Variants in JADE3 observed in about 807,000 individuals in gnomAD.
JADE3 encodes the protein protein Jade-3.
Under a neutral mutation model 50.1 loss-of-function variants are expected in JADE3, and 2 were observed. The observed-to-expected ratio is 0.04, with a 90% confidence interval of 0.02 to 0.13. The LOEUF (loss-of-function observed/expected upper bound fraction) is 0.13, where lower values mean the gene tolerates loss of function less well. Among genes scored for constraint, JADE3 ranks in the 10% least tolerant of loss-of-function variants. The pLI is 1.00. For missense variants in JADE3, 475 were observed against 634.4 expected (o/e 0.75, Z 2.70); for synonymous variants, 218 against 232.9 (o/e 0.94, Z 0.58).
chrX:46,999,252 T>G (rs1419177548), intron 4 of JADE3, among the ~76,000 whole-genome samples: 1 of 108,718 alleles, frequency 9.2e-6, no homozygotes, highest in African/African-American at 3.3e-5. Context: ...TATAACAGCA[T>G]TAGTCAATTC....
chrX:46,949,291 G>T (rs1176546706), intron 1 of JADE3, among the ~76,000 whole-genome samples: 1 of 111,537 alleles, frequency 9.0e-6, no homozygotes, highest in Non-Finnish European at 1.9e-5. Flanking sequence ...GCTTGGGGCT[G>T]TTACATATAG....
At chrX:47,005,407 AT>A (rs782820616) in intron 4 of JADE3, among the ~76,000 whole-genome samples, 1 of 110,602 alleles carries the variant, frequency 9.0e-6, no homozygotes, top group East Asian at 2.9e-4. Flanking sequence ...CACCCAGCTA[AT>A]TTTTGTATTT....
chrX:46,917,843 C>CTCTT (rs1290353394), intron 1 of JADE3, among the ~76,000 whole-genome samples: 1 of 91,070 alleles, frequency 1.1e-5, no homozygotes, highest in Non-Finnish European at 2.2e-5. Context: ...TCCTCTCTCT[C>CTCTT]TCTCTCTCTC....
intron 9 of JADE3, among the ~76,000 whole-genome samples, 194 bp from the exon 10 acceptor site, chrX:47,055,888 A>G (rs1380941915): frequency 8.9e-6 from 1 of 112,007 alleles, no homozygotes; most frequent in East Asian, 2.8e-4. Flanking sequence ...TGCTTTTACT[A>G]TTGGTTGATA....
chrX:46,952,777 C>G (rs1236994673), intron 1 of JADE3, among the ~76,000 whole-genome samples: 3 of 111,780 alleles, frequency 2.7e-5, no homozygotes, highest in Admixed American at 9.4e-5. Context: ...GCGTATGGAT[C>G]ACGTGAGGTC....
Position 46,998,140 on chromosome X carries a change from C to T in JADE3, c.147C>T (p.Ile49=). 8.3e-7 allele frequency: 1 copy of T among 1,206,264 alleles called. No homozygotes were observed. Among genetic ancestry groups the T allele is most frequent in the South Asian group, 1.8e-5 (1 of 56,699 alleles). ...TCCAGGTATTCCGGAAGGACCTCAT[C>T]AGTGCCATGAAACTTCCAGATTCTC... The part of the protein sequence containing the change: ...KPAEVFRKDL[I]SAMKLPDSHH... Residue 49 remains isoleucine (I), a synonymous_variant, in exon 4 of 11, where the codon ATC becomes ATT. Coordinates refer to ENST00000614628, the MANE Select transcript of JADE3 (RefSeq NM_014735.5).
At chrX:47,044,360 A>G (rs1556370304) in intron 8 of JADE3, among the ~76,000 whole-genome samples, 1 of 111,871 alleles carries the variant, frequency 8.9e-6, no homozygotes, top group Non-Finnish European at 1.9e-5. Flanking sequence ...CTTACAGGCC[A>G]GGAGAGAGTG....
intron 4 of JADE3, among the ~76,000 whole-genome samples, chrX:47,010,858 A>T (rs1210764643): frequency 9.0e-6 from 1 of 111,389 alleles, no homozygotes; most frequent in East Asian, 2.8e-4. Context: ...ATTTTTTCAT[A>T]GTTCTAGAGT....
At chrX:46,994,169 TAATGAGA>T (rs1928072825) in intron 3 of JADE3, among the ~76,000 whole-genome samples, 1 of 112,472 alleles carries the variant, frequency 8.9e-6, no homozygotes, top group Non-Finnish European at 1.9e-5. Context: ...TGAGAGATGT[TAATGAGA>T]GCAATAAAAG....
chrX:46,931,093 C>T (rs1303068562), intron 1 of JADE3, among the ~76,000 whole-genome samples: 1 of 111,957 alleles, frequency 8.9e-6, no homozygotes, highest in African/African-American at 3.3e-5. Context: ...AGATGATTAC[C>T]TAGTGGATTG....
At chrX:47,050,981 C>G (rs1343249084) in intron 8 of JADE3, among the ~76,000 whole-genome samples, 3 of 112,062 alleles carry the variant, frequency 2.7e-5, no homozygotes, top group Non-Finnish European at 5.6e-5. Flanking sequence ...TCATCATCCT[C>G]ATTTTCGAGA....
chrX:47,029,699 C>A (rs1017795783), intron 6 of JADE3, among the ~76,000 whole-genome samples: 4 of 111,871 alleles, frequency 3.6e-5, no homozygotes, highest in African/African-American at 1.3e-4. Flanking sequence ...TCTTTTTCTT[C>A]ATTTACCTTT....
At chrX:46,966,623 G>A (rs960807834) in intron 1 of JADE3, among the ~76,000 whole-genome samples, 12 of 112,080 alleles carry the variant, frequency 1.1e-4, no homozygotes, top group African/African-American at 3.9e-4. Flanking sequence ...TGAGGGTTGG[G>A]AAGTATGCAC....
chrX:46,988,006 T>C (rs1203813549), intron 3 of JADE3, among the ~76,000 whole-genome samples: 2 of 112,619 alleles, frequency 1.8e-5, no homozygotes, highest in East Asian at 2.7e-4. Flanking sequence ...TGAGATAATT[T>C]GTCAGCATAA....
At chrX:46,940,590 G>A (rs1926730629) in intron 1 of JADE3, among the ~76,000 whole-genome samples, 1 of 111,169 alleles carries the variant, frequency 9.0e-6, no homozygotes, top group Admixed American at 9.6e-5. Context: ...GCTAGTGGGA[G>A]GAAATGGCTG....
At chrX:46,915,967 A>G (rs1185570840) in intron 1 of JADE3, among the ~76,000 whole-genome samples, 3 of 111,734 alleles carry the variant, frequency 2.7e-5, no homozygotes, top group African/African-American at 9.8e-5. Context: ...CCCAGGAACT[A>G]TGGCTGTGCC....
chrX:47,019,210 T>C lies in JADE3; in HGVS notation c.285-5514T>C, dbSNP rs782269492. 8.0e-5 allele frequency among the ~76,000 whole-genome samples: 9 copies of C among 111,900 alleles called. No homozygotes were observed. The South Asian group carries it at 3.0e-3, about 38-fold the overall frequency. On this transcript the variant is annotated intron_variant, in intron 4 of 10. Transcript: ENST00000614628. ...ACTTGATGAAGATGACAAAGTCACA[T>C]TGCAGAAGAATGTGGGATTTGGAAA...
At chrX:46,928,351 C>A (rs1362268824) in intron 1 of JADE3, among the ~76,000 whole-genome samples, 1 of 111,782 alleles carries the variant, frequency 8.9e-6, no homozygotes, top group African/African-American at 3.3e-5. Context: ...TAAGTCCTGT[C>A]TTTTCTATTC....
At chrX:46,964,316 A>G (rs1035436393) in intron 1 of JADE3, among the ~76,000 whole-genome samples, 18 of 112,006 alleles carry the variant, frequency 1.6e-4, no homozygotes, top group Non-Finnish European at 2.3e-4. Flanking sequence ...GACTACTTCA[A>G]TACAATAGAG....
Sources: gnomAD v4.1 joint callset for allele counts (sites outside exome capture counted in the v4.1 genomes callset) on GRCh38, gnomAD v4.1.1 for gene constraint, MANE v1.5 for transcripts, NCBI Gene and HGNC (gene_info 2026-07-23, HGNC 2026-07-21) for gene names.